Variants in RIPK1 observed in about 807,000 individuals in gnomAD.
The protein encoded by RIPK1 is receptor-interacting serine/threonine-protein kinase 1.
Under a neutral mutation model 62.4 loss-of-function variants are expected in RIPK1, and 27 were observed. That is an observed-to-expected ratio of 0.43 (90% CI 0.32 to 0.60). The LOEUF is 0.60. Ranked by LOEUF, RIPK1 falls within the 20% of genes least tolerant of loss-of-function variation. The probability of loss-of-function intolerance (pLI) is 0.07; values close to 1 mark genes in which losing one functional copy is unlikely to be tolerated. For synonymous variants in RIPK1, 287 were observed against 303.2 expected, an observed-to-expected ratio of 0.95 and a Z score of 0.55; for missense variants, 735 against 831.0, an observed-to-expected ratio of 0.88 and a Z score of 1.42.
intron 10 of RIPK1, 94 bp from the exon 11 acceptor site, chr6:3,112,959 C>A: frequency 9.6e-7 from 1 of 1,036,826 alleles, no homozygotes; most frequent in Non-Finnish European, 1.4e-6. Flanking sequence ...TCTTCTGGTA[C>A]TCTTCATTTC....
At chr6:3,069,079 T>C (rs1250144929) in intron 1 of RIPK1, among the ~76,000 whole-genome samples, 1 of 152,212 alleles carries the variant, frequency 6.6e-6, no homozygotes, top group South Asian at 2.1e-4. Context: ...GGCGCTGGAC[T>C]GGTAGCGGGC....
chr6:3,076,239 G>T (rs1759040062), intron 1 of RIPK1, among the ~76,000 whole-genome samples: 1 of 152,138 alleles, frequency 6.6e-6, no homozygotes, highest in Admixed American at 6.5e-5. Context: ...AAATAAAAAG[G>T]CTGAGGGAAT....
chr6:3,089,613 A>C lies in RIPK1; in HGVS notation c.871A>C (p.Ser291Arg). Residue 291 changes from serine to arginine, a missense_variant, in exon 7 of 11, where the codon AGT becomes CGT. Transcript: ENST00000259808. ...IEEKFRPFYLSQLEESVEEDV... is the reference protein window; with the variant it reads ...IEEKFRPFYLRQLEESVEEDV... ...AGAAAAATTTAGGCCTTTTTATTTA[A>C]GTCAATTAGAAGAAAGTGTAGAAGA... 1 of 1,581,660 alleles carries C rather than the reference A, an allele frequency of 6.3e-7. No homozygotes were observed. The highest frequency in any genetic ancestry group is 8.7e-7 in the Non-Finnish European group (1 of 1,153,908).
chr6:3,070,349 T>C (rs1361899206), intron 1 of RIPK1, among the ~76,000 whole-genome samples: 1 of 152,220 alleles, frequency 6.6e-6, no homozygotes, highest in Non-Finnish European at 1.5e-5. Flanking sequence ...TCCCATGCTT[T>C]AGTTGGATAT....
chr6:3,077,159 T>G (rs1199669358), intron 2 of RIPK1, among the ~76,000 whole-genome samples, 172 bp downstream of exon 2: 2 of 152,058 alleles, frequency 1.3e-5, no homozygotes, highest in African/African-American at 4.8e-5. Context: ...ATGTGGACTC[T>G]GAGACTGGGT....
At position 3,076,920 on chromosome 6, in the gene RIPK1, C is replaced by T; in HGVS notation, c.97C>T (p.Leu33=). The change falls in exon 2 of 11, where the codon CTG becomes TTG. Residue 33 remains leucine, a synonymous_variant. Transcript: ENST00000259808. ...LDSGGFGKVS[L]CFHRTQGLMI... ...CAGCGGAGGCTTTGGGAAGGTGTCT[C>T]TGTGTTTCCACAGAACCCAGGGACT... 2 of 1,612,036 alleles carry T rather than the reference C, an allele frequency of 1.2e-6. No individual in the cohort carries two copies. The highest frequency in any genetic ancestry group is 1.7e-6 in the Non-Finnish European group (2 of 1,179,130).
At chr6:3,100,495 C>G (rs772124841) in intron 7 of RIPK1, among the ~76,000 whole-genome samples, 39 of 152,142 alleles carry the variant, frequency 2.6e-4, no homozygotes, top group Non-Finnish European at 7.4e-5. Context: ...GCATCACACT[C>G]TGGATAAGGC....
At chr6:3,077,650 G>T in intron 2 of RIPK1, 129 bp from the exon 3 acceptor site, 1 of 976,252 alleles carries the variant, frequency 1.0e-6, no homozygotes, top group Non-Finnish European at 1.5e-6. Flanking sequence ...CTTCTGGCCT[G>T]TGCCTGGAAG....
At chr6:3,070,672 C>T (rs1427624374) in intron 1 of RIPK1, among the ~76,000 whole-genome samples, 1 of 145,414 alleles carries the variant, frequency 6.9e-6, no homozygotes, top group Admixed American at 6.7e-5. Context: ...TCTTGGCAAT[C>T]TGCCCTCCTT....
rs1760787388 is a variant in RIPK1, at chr6:3,105,380, C to T, written c.1007-102C>T. ...TTTGGACTGGTCTCGTACTTGTTTT[C>T]TGTGTGTTACTTTGAGATACAGATT... On this transcript the variant is annotated intron_variant, in intron 8 of 10. Coordinates refer to ENST00000259808, the MANE Select transcript of RIPK1 (RefSeq NM_001354930.2). This position sits in a 1 kb window ranked among gnomAD's most constrained non-coding sequence, Gnocchi z 4.5. 3.3e-6 allele frequency: 3 copies of T among 901,858 alleles called. No individual in the cohort carries two copies. Among genetic ancestry groups the T allele is most frequent in the African/African-American group, 1.7e-5 (1 of 59,926 alleles). 55.9% of individuals were successfully genotyped at this position (901,858 alleles called of 1,614,324 possible).
chr6:3,100,870 G>C (rs1760558056), intron 7 of RIPK1, among the ~76,000 whole-genome samples: 1 of 152,202 alleles, frequency 6.6e-6, no homozygotes, highest in African/African-American at 2.4e-5. Context: ...TGGGATTACA[G>C]GCGTGAGCCA....
At position 3,102,601 on chromosome 6, in the gene RIPK1, A is replaced by G. The variant is rs553857380; in HGVS notation, c.916-1624A>G. On this transcript the variant is annotated intron_variant, in intron 7 of 10. Coordinates refer to ENST00000259808, the MANE Select transcript of RIPK1 (RefSeq NM_001354930.2). ...GCTAGATCATATGGTAATTCTATGT[A>G]TAACTTTTTGTTTTTCTGAGACAGA... Among the ~76,000 whole-genome samples, 53 of 150,770 alleles carry G rather than the reference A, an allele frequency of 3.5e-4. 1 individual carries two copies. The East Asian group carries it at 9.8e-3, about 28-fold the overall frequency.
intron 4 of RIPK1, among the ~76,000 whole-genome samples, chr6:3,082,504 T>C (rs1581394946): frequency 6.6e-6 from 1 of 152,168 alleles, no homozygotes; most frequent in East Asian, 1.9e-4. Context: ...CTCTCTGCTT[T>C]TTTGTCTGTT....
At chr6:3,109,042 C>CAAAGATATGTCA (rs2113709330) in intron 9 of RIPK1, among the ~76,000 whole-genome samples, 1 of 152,260 alleles carries the variant, frequency 6.6e-6, no homozygotes, top group South Asian at 2.1e-4. Context: ...TCTTTAGGGA[C>CAAAGATATGTCA]AGTACCAACA....
intron 1 of RIPK1, among the ~76,000 whole-genome samples, chr6:3,073,246 A>G (rs1196770572): frequency 1.3e-5 from 2 of 149,062 alleles, no homozygotes; most frequent in East Asian, 3.9e-4. Context: ...TTTTTATATC[A>G]TATATTATAT....
chr6:3,065,362 A>C (rs1358725976), upstream of RIPK1, among the ~76,000 whole-genome samples: 1 of 149,814 alleles, frequency 6.7e-6, no homozygotes. Context: ...TTCATTGTCC[A>C]AGGCTCTCCA....
intron 1 of RIPK1, among the ~76,000 whole-genome samples, chr6:3,070,240 A>G (rs941619851): frequency 2.0e-5 from 3 of 152,208 alleles, no homozygotes; most frequent in Non-Finnish European, 2.9e-5. Context: ...AAGCTCTTAA[A>G]CAGCCTCTTT....
At chr6:3,068,035 C>T (rs1420473724), upstream of RIPK1, 8 of 236,574 alleles carry the variant, frequency 3.4e-5, no homozygotes, top group Non-Finnish European at 5.5e-5. Context: ...TGAACAACCG[C>T]GCCCGGCCTG....
At chr6:3,080,871 C>A in intron 3 of RIPK1, 108 bp from the exon 4 acceptor site, 2 of 1,072,658 alleles carry the variant, frequency 1.9e-6, no homozygotes, top group Non-Finnish European at 1.4e-6. Flanking sequence ...GGAAGGAAAC[C>A]TGGTAACCTT....
Sources: gnomAD v4.1 joint callset for allele counts (sites outside exome capture counted in the v4.1 genomes callset) on GRCh38, gnomAD v4.1.1 for gene constraint, Gnocchi (gnomAD v3.1) non-coding constraint, MANE v1.5 for transcripts, NCBI Gene and HGNC (gene_info 2026-07-23, HGNC 2026-07-21) for gene names.